Variants in PDCD1 observed in about 807,000 individuals in gnomAD.
PDCD1 encodes programmed cell death 1.
Under a neutral mutation model 23.6 loss-of-function variants are expected in PDCD1, and 10 were observed. The ratio of observed to expected loss-of-function variants is 0.42; its 90% confidence interval spans 0.26 to 0.72. PDCD1 has a LOEUF of 0.72. Ranked by LOEUF, PDCD1 falls within the 30% of genes least tolerant of loss-of-function variation. The pLI, the probability that PDCD1 is intolerant of heterozygous loss-of-function variation, is 0.24. For synonymous variants in PDCD1, 168 were observed against 169.3 expected, an observed-to-expected ratio of 0.99 and a Z score of 0.06; for missense variants, 313 against 397.8, an observed-to-expected ratio of 0.79 and a Z score of 1.81.
rs565448697 is a variant in PDCD1 at position 241,851,291 on chromosome 2, C to A, written c.634G>T (p.Asp212Tyr). The change falls in exon 5 of 5, where the codon GAC (aspartate) becomes TAC (tyrosine). Residue 212 changes from aspartate (D) to tyrosine (Y), a missense_variant. By Grantham distance (160) the Asp-to-Tyr change is radical. Transcript: ENST00000334409. ...GAGAACACAGGCACGGCTGAGGGGT[C>A]CTCCTTCTTTGAGGAGAAAGGGAGA... The part of the protein sequence containing the change: ...ARRTGQPLKE[D>Y]PSAVPVFSVD... 2 of 1,606,494 alleles carry A rather than the reference C, an allele frequency of 1.2e-6. No individual in the cohort carries two copies. The highest frequency in any genetic ancestry group is 2.7e-5 in the African/African-American group (2 of 74,788).
At chr2:241,854,212 G>A (rs936785646) in intron 1 of PDCD1, among the ~76,000 whole-genome samples, 1 of 152,224 alleles carries the variant, frequency 6.6e-6, no homozygotes, top group African/African-American at 2.4e-5. Context: ...GCCACCCAGG[G>A]TGTCCCTGTT....
Position 241,850,614 on chromosome 2 carries a change from G to C in PDCD1, c.*444C>G, listed in dbSNP as rs1249113760. On this transcript the variant is annotated 3_prime_UTR_variant, in exon 5 of 5. Transcript: ENST00000334409. Reference sequence around the variant, plus strand: ...GTCCAGGGCGTTTCGGGATGCCACTGCCAGGGGCACCTTGGCTGCTCCAAG... The same window carrying C: ...GTCCAGGGCGTTTCGGGATGCCACTCCCAGGGGCACCTTGGCTGCTCCAAG... 2.3e-6 allele frequency: 1 copy of C among 442,004 alleles called. No individual in the cohort carries two copies. The highest frequency in any genetic ancestry group is 4.3e-6 in the Non-Finnish European group (1 of 235,102). 27.4% of individuals were successfully genotyped at this position (442,004 alleles called of 1,614,324 possible).
chr2:241,856,166 G>A (rs1425092088), intron 1 of PDCD1, among the ~76,000 whole-genome samples: 1 of 152,172 alleles, frequency 6.6e-6, no homozygotes, highest in Non-Finnish European at 1.5e-5. Context: ...AGCACAGGGA[G>A]CCGACCCTGT....
Position 241,851,224 on chromosome 2 carries a change from G to A in PDCD1, c.701C>T (p.Thr234Ile), listed in dbSNP as rs767635352. 6.2e-7 allele frequency: 1 copy of A among 1,613,828 alleles called. No individual in the cohort carries two copies. The highest frequency in any genetic ancestry group is 1.7e-5 in the Admixed American group (1 of 60,020). ...GACACAGGGCACGGGGGGCTCCGGG[G>A]TCTTCTCTCGCCACTGGAAATCCAG... ...GELDFQWREK[T>I]PEPPVPCVPE... is the part of the protein sequence containing the mutation. Residue 234 changes from threonine to isoleucine, a missense_variant, in exon 5 of 5, where the codon ACC becomes ATC. By Grantham distance (89) the Thr-to-Ile change is moderately conservative. Coordinates refer to ENST00000334409, the MANE Select transcript of PDCD1 (RefSeq NM_005018.3).
chr2:241,851,164 G>C lies in PDCD1; in HGVS notation c.761C>G (p.Pro254Arg), dbSNP rs1353975297. 6.2e-7 allele frequency: 1 copy of C among 1,613,566 alleles called. No homozygotes were observed. The highest frequency in any genetic ancestry group is 2.2e-5 in the East Asian group (1 of 44,874). The change falls in exon 5 of 5, where the codon CCT becomes CGT. Residue 254 changes from proline (P) to arginine (R), a missense_variant. By Grantham distance (103) the Pro-to-Arg change is moderately radical. Around this residue, in one of 3 missense-constraint regions of PDCD1, gnomAD observed 158 missense variants for 177.5 expected, o/e 0.89. Transcript: ENST00000334409. Reference sequence around the variant, plus strand: ...GGGGGATGAGGTGCCCATTCCGCTAGGAAAGACAATGGTGGCATACTCCGT... The same window carrying C: ...GGGGGATGAGGTGCCCATTCCGCTACGAAAGACAATGGTGGCATACTCCGT... ...EQTEYATIVF[P>R]SGMGTSSPAR...
intron 1 of PDCD1, among the ~76,000 whole-genome samples, chr2:241,853,482 C>G (rs1192952244): frequency 1.3e-5 from 2 of 152,282 alleles, no homozygotes; most frequent in Non-Finnish European, 2.9e-5. Context: ...AAGCTCGGAG[C>G]TGGGACCACG....
intron 1 of PDCD1, 76 bp from the exon 2 acceptor site, chr2:241,853,056 G>T: frequency 6.8e-7 from 1 of 1,475,904 alleles, no homozygotes; most frequent in African/African-American, 1.4e-5. Flanking sequence ...CACATCCCTC[G>T]GGCAGCAAGG....
intron 1 of PDCD1, among the ~76,000 whole-genome samples, chr2:241,853,426 G>A (rs990838638): frequency 2.0e-5 from 3 of 152,266 alleles, no homozygotes; most frequent in African/African-American, 7.2e-5. Flanking sequence ...GAGGAGTGTG[G>A]CCCCTTGGCA....
Position 241,852,792 on chromosome 2 carries a change from G to T in PDCD1, c.265C>A (p.Pro89Thr), listed in dbSNP as rs748918254. 1.2e-6 allele frequency: 2 copies of T among 1,613,046 alleles called. No homozygotes were observed. The highest frequency in any genetic ancestry group is 1.1e-5 in the South Asian group (1 of 91,040). Residue 89 changes from proline (P) to threonine (T), a missense_variant, in exon 2 of 5, where the codon CCC becomes ACC. Pro to Thr is a conservative substitution (Grantham distance 38). Coordinates refer to ENST00000334409, the MANE Select transcript of PDCD1 (RefSeq NM_005018.3). Reference sequence around the variant, plus strand: ...ACACGGAAGCGGCAGTCCTGGCCGGGCTGGCTGCGGTCCTCGGGGAAGGCG... The same window carrying T: ...ACACGGAAGCGGCAGTCCTGGCCGGTCTGGCTGCGGTCCTCGGGGAAGGCG... ...LAAFPEDRSQ[P>T]GQDCRFRVTQ...
Position 241,858,797 on chromosome 2 carries a change from C to A in PDCD1, c.42G>T (p.Val14=), listed in dbSNP as rs752448027. The change falls in exon 1 of 5, where the codon GTG becomes GTT. Residue 14 remains valine, a synonymous_variant. Coordinates refer to ENST00000334409, the MANE Select transcript of PDCD1 (RefSeq NM_005018.3). ...PQAPWPVVWA[V]LQLGWRPGWF... is the part of the protein sequence containing the mutation. ...ATCCTGGCCGCCAGCCCAGTTGTAG[C>A]ACCGCCCAGACGACTGGCCAGGGCG... The A allele has an allele frequency of 6.3e-7, 1 of 1,592,380 alleles. No individual in the cohort carries two copies. The highest frequency in any genetic ancestry group is 8.5e-7 in the Non-Finnish European group (1 of 1,169,974).
chr2:241,858,724 C>A lies in PDCD1; in HGVS notation c.76+39G>T, dbSNP rs557822719. On this transcript the variant is annotated intron_variant, in intron 1 of 4. Transcript: ENST00000334409. ...ACTGAGGGTGGAAGGTCCCTCCAGACCCCTGGCTCTGGGACACCTGACCGC... is the reference window on the plus strand; with the variant it reads ...ACTGAGGGTGGAAGGTCCCTCCAGAACCCTGGCTCTGGGACACCTGACCGC... The A allele has an allele frequency of 3.3e-6, 5 of 1,513,460 alleles. No individual in the cohort carries two copies. The African/African-American group carries it at 6.9e-5, about 21-fold the overall frequency. The allele number at this position is 1,513,460 out of a possible 1,614,324, so 93.8% of individuals were successfully genotyped here.
intron 1 of PDCD1, among the ~76,000 whole-genome samples, chr2:241,856,225 C>T (rs975380385): frequency 3.3e-5 from 5 of 151,946 alleles, no homozygotes; most frequent in Non-Finnish European, 7.4e-5. Context: ...AGGACAGGCT[C>T]TGTTTTTAAG....
At chr2:241,855,864 T>TGC (rs1189325998) in intron 1 of PDCD1, among the ~76,000 whole-genome samples, 1 of 152,100 alleles carries the variant, frequency 6.6e-6, no homozygotes, top group Non-Finnish European at 1.5e-5. Context: ...CGTGTGTGTG[T>TGC]GTGGAGGTGG....
intron 4 of PDCD1, 61 bp from the exon 5 acceptor site, chr2:241,851,358 G>A (rs1345945937): frequency 3.3e-6 from 5 of 1,536,806 alleles, no homozygotes; most frequent in Non-Finnish European, 4.4e-6. Context: ...GAGGCCCGCG[G>A]CTCCACAGCC....
Position 241,858,880 on chromosome 2 carries a change from C to G in PDCD1, c.-42G>C. ...CCAGAGTGCCGCCTTCTCCACTGCT[C>G]AGGCGGAGGTGAGCGGAAGGGAAAC... On this transcript the variant is annotated 5_prime_UTR_variant, in exon 1 of 5. Coordinates refer to ENST00000334409, the MANE Select transcript of PDCD1 (RefSeq NM_005018.3). 3.3e-6 allele frequency: 5 copies of G among 1,511,984 alleles called. No homozygotes were observed. Among genetic ancestry groups the G allele is most frequent in the Non-Finnish European group, 2.7e-6 (3 of 1,111,324 alleles). 93.7% of individuals were successfully genotyped at this position (1,511,984 alleles called of 1,614,324 possible). A position where few individuals can be genotyped will look rare whatever the true frequency, so the allele number is the denominator to read the frequency against.
At position 241,849,931 on chromosome 2, in the gene PDCD1, A is replaced by G; in HGVS notation, c.*1127T>C. The G allele has an allele frequency of 5.0e-6, 1 of 198,956 alleles. No individual in the cohort carries two copies. Among genetic ancestry groups the G allele is most frequent in the Non-Finnish European group, 1.0e-5 (1 of 96,192 alleles). 12.3% of individuals were successfully genotyped at this position (198,956 alleles called of 1,614,324 possible). ...TATAATTATAATATAATAGAACCAC[A>G]GGGAAGGGGGATCCCTTGTCCCAGC... is the stretch of plus-strand genomic sequence containing the variant. On this transcript the variant is annotated 3_prime_UTR_variant, in exon 5 of 5. Transcript: ENST00000334409.
intron 4 of PDCD1, 146 bp from the exon 5 acceptor site, chr2:241,851,443 C>T (rs193254727): frequency 1.7e-5 from 12 of 717,588 alleles, no homozygotes; most frequent in Admixed American, 1.5e-4. Context: ...CCACTGCCCT[C>T]TGTGTGATCT....
intron 1 of PDCD1, among the ~76,000 whole-genome samples, chr2:241,858,325 T>A (rs924098856): frequency 2.0e-5 from 3 of 152,198 alleles, no homozygotes; most frequent in African/African-American, 7.2e-5. Context: ...CAAGGATGCC[T>A]GGGCAAGGCA....
rs552118209 is a variant in PDCD1 at position 241,855,777 on chromosome 2, G to T, written c.77-2797C>A. On this transcript the variant is annotated intron_variant, in intron 1 of 4. Coordinates refer to ENST00000334409, the MANE Select transcript of PDCD1 (RefSeq NM_005018.3). ...ACAAGGAAACCGTCCCACGGGCTGT[G>T]CTGGGATGAGGACAGCGAGCTTGTC... Among the ~76,000 whole-genome samples, 6 of 152,358 alleles carry T rather than the reference G, an allele frequency of 3.9e-5. No individual in the cohort carries two copies. In the South Asian group the frequency reaches 1.2e-3, roughly 32 times the overall value.
Sources: allele counts gnomAD v4.1 joint callset (sites outside exome capture counted in the v4.1 genomes callset), GRCh38; gene constraint gnomAD v4.1.1; regional missense constraint gnomAD v4.1.1; transcripts MANE v1.5; gene names NCBI Gene and HGNC (gene_info 2026-07-23, HGNC 2026-07-21).